CHD1: variants seen among roughly 807,000 people sequenced by gnomAD.
The protein encoded by CHD1 is ATP-dependent chromatin remodeler CHD1.
Under a neutral mutation model 224.2 loss-of-function variants are expected in CHD1, and 36 were observed. That is an observed-to-expected ratio of 0.16 (90% CI 0.12 to 0.21). CHD1 has a LOEUF of 0.21. Ranked by LOEUF, CHD1 falls within the 10% of genes least tolerant of loss-of-function variation. The probability of loss-of-function intolerance (pLI) is 1.00; values close to 1 mark genes in which losing one functional copy is unlikely to be tolerated. For synonymous variants in CHD1, 668 were observed against 658.3 expected (o/e 1.01, Z -0.23); for missense variants, 1,378 against 1,994.8 (o/e 0.69, Z 5.89).
chr5:98,916,796 G>C (rs1177310471), intron 2 of CHD1, among the ~76,000 whole-genome samples: 1 of 152,070 alleles, frequency 6.6e-6, no homozygotes, highest in Non-Finnish European at 1.5e-5. Context: ...CCAGATGCTA[G>C]GGTGGACAAT....
intron 18 of CHD1, chr5:98,883,963 T>A (rs1188777968): frequency 6.5e-6 from 1 of 153,348 alleles, no homozygotes; most frequent in African/African-American, 2.6e-5. Context: ...TGCCTCAGCC[T>A]CCCGAGTAGC....
intron 24 of CHD1, among the ~76,000 whole-genome samples, chr5:98,875,516 G>A (rs1749684904): frequency 6.6e-6 from 1 of 152,144 alleles, no homozygotes; most frequent in East Asian, 1.9e-4. Context: ...TAATTCAGAT[G>A]TGTATTACAC....
At position 98,896,213 on chromosome 5, in the gene CHD1, G is replaced by A; in HGVS notation, c.1710+13C>T. 6.3e-7 allele frequency: 1 copy of A among 1,590,978 alleles called. No individual in the cohort carries two copies. Among genetic ancestry groups the A allele is most frequent in the Non-Finnish European group, 8.6e-7 (1 of 1,159,198 alleles). ...TACATTTTGATTTCTACATTTACAG[G>A]GAAACAACTTACCATGTTTCTGCTG... On this transcript the variant is annotated intron_variant, in intron 12 of 35. Coordinates refer to ENST00000614616, the MANE Select transcript of CHD1 (RefSeq NM_001270.4).
chr5:98,899,826 G>T, intron 7 of CHD1, 121 bp from the exon 8 acceptor site: 2 of 638,544 alleles, frequency 3.1e-6, no homozygotes, highest in Non-Finnish European at 5.3e-6. Flanking sequence ...AGTATTGGGG[G>T]TATAGAAACT....
intron 2 of CHD1, among the ~76,000 whole-genome samples, chr5:98,919,774 T>C (rs1188581152): frequency 6.6e-6 from 1 of 152,188 alleles, no homozygotes; most frequent in East Asian, 1.9e-4. Flanking sequence ...GAAATGACTA[T>C]AGATACGTAG....
intron 2 of CHD1, among the ~76,000 whole-genome samples, chr5:98,916,259 GGTTT>G (rs1752722364): frequency 6.6e-6 from 1 of 151,790 alleles, no homozygotes; most frequent in Non-Finnish European, 1.5e-5. Flanking sequence ...TTTTAAAAAA[GGTTT>G]TGGCAGGTGT....
At chr5:98,858,906 C>A in intron 34 of CHD1, 58 bp downstream of exon 34, 1 of 1,234,836 alleles carries the variant, frequency 8.1e-7, no homozygotes, top group Non-Finnish European at 1.1e-6. Context: ...TTATTTAAAA[C>A]AAAAATTTAA....
chr5:98,857,766 T>A lies in CHD1; in HGVS notation c.4787+414A>T, dbSNP rs138590302. Among the ~76,000 whole-genome samples the A allele has an allele frequency of 1.1e-3, 171 of 152,168 alleles. 1 individual carries two copies. The highest frequency in any genetic ancestry group is 3.6e-3 in the African/African-American group (151 of 41,560). ...TTAAGTTTTACCTCAATGAGATGTGTTCACATATATTAATTTTTCCCGACT... is the reference window on the plus strand; with the variant it reads ...TTAAGTTTTACCTCAATGAGATGTGATCACATATATTAATTTTTCCCGACT... On this transcript the variant is annotated intron_variant, in intron 35 of 35. Coordinates refer to ENST00000614616, the MANE Select transcript of CHD1 (RefSeq NM_001270.4).
intron 18 of CHD1, among the ~76,000 whole-genome samples, chr5:98,884,433 T>C (rs1267189101): frequency 6.6e-6 from 1 of 152,064 alleles, no homozygotes; most frequent in Non-Finnish European, 1.5e-5. Flanking sequence ...TTGTATGTTC[T>C]CACTTGTAAG....
Position 98,901,287 on chromosome 5 carries a change from T to G in CHD1, c.486A>C (p.Ser162=). 6.2e-7 allele frequency: 1 copy of G among 1,613,762 alleles called. No homozygotes were observed. Among genetic ancestry groups the G allele is most frequent in the Non-Finnish European group, 8.5e-7 (1 of 1,179,882 alleles). The part of the protein sequence containing the change: ...SGSGSPSQSG[S]DSESEEEREK... ...CTCTCTCTTCTTCAGATTCTGAATCTGAACCAGACTGAGATGGAGATCCTG... is the reference window on the plus strand; with the variant it reads ...CTCTCTCTTCTTCAGATTCTGAATCGGAACCAGACTGAGATGGAGATCCTG... The change falls in exon 6 of 36, where the codon TCA becomes TCC. Residue 162 remains serine, a synonymous_variant. Coordinates refer to ENST00000614616, the MANE Select transcript of CHD1 (RefSeq NM_001270.4).
intron 7 of CHD1, among the ~76,000 whole-genome samples, chr5:98,900,240 C>T (rs1447945353): frequency 6.7e-6 from 1 of 149,824 alleles, no homozygotes; most frequent in Admixed American, 6.7e-5. Context: ...TGAGACCGTG[C>T]CACTGCACTC....
intron 28 of CHD1, among the ~76,000 whole-genome samples, chr5:98,871,648 A>G (rs2112321201): frequency 6.6e-6 from 1 of 152,198 alleles, no homozygotes; most frequent in East Asian, 1.9e-4. Context: ...AAATGTTCCT[A>G]AAGATAAATA....
intron 2 of CHD1, among the ~76,000 whole-genome samples, chr5:98,920,370 A>C: frequency 6.6e-6 from 1 of 152,216 alleles, no homozygotes; most frequent in East Asian, 1.9e-4. Flanking sequence ...TGCAAATACT[A>C]CCTTGACCAA....
chr5:98,865,248 G>A (rs1047605992), intron 31 of CHD1, among the ~76,000 whole-genome samples: 7 of 152,176 alleles, frequency 4.6e-5, no homozygotes, highest in African/African-American at 1.4e-4. Context: ...TGCCAGTGTC[G>A]CTGGAACCAA....
rs958374883 is a variant in CHD1 at position 98,855,290 on chromosome 5, A to G, written c.*1090T>C. 20 of 152,690 alleles carry G rather than the reference A, an allele frequency of 1.3e-4. No homozygotes were observed. The highest frequency in any genetic ancestry group is 4.6e-4 in the African/African-American group (19 of 41,542). The allele number at this position is 152,690 out of a possible 1,614,324, so 9.5% of individuals were successfully genotyped here. A position where few individuals can be genotyped will look rare whatever the true frequency, so the allele number is the denominator to read the frequency against. On this transcript the variant is annotated 3_prime_UTR_variant, in exon 36 of 36. Coordinates refer to ENST00000614616, the MANE Select transcript of CHD1 (RefSeq NM_001270.4). ...TAACAGTTTATATTAAAAGTCAATC[A>G]AGTTTATCTAAAATGTTAACCTGGC...
chr5:98,926,906 G>A (rs957876136), intron 1 of CHD1, among the ~76,000 whole-genome samples: 3 of 100,240 alleles, frequency 3.0e-5, no homozygotes, highest in Non-Finnish European at 5.6e-5. Flanking sequence ...TAACTTGGTC[G>A]AATAAATGAA....
chr5:98,911,172 T>TATATATATAG (rs1752397885), intron 2 of CHD1, among the ~76,000 whole-genome samples: 1 of 130,302 alleles, frequency 7.7e-6, no homozygotes, highest in African/African-American at 3.0e-5. Context: ...TATATATATA[T>TATATATATAG]ATATAGAGGC....
At chr5:98,917,598 G>T (rs1368947116) in intron 2 of CHD1, among the ~76,000 whole-genome samples, 1 of 152,146 alleles carries the variant, frequency 6.6e-6, no homozygotes, top group Non-Finnish European at 1.5e-5. Context: ...CTGAGAAATA[G>T]CTATTTGGAG....
At chr5:98,863,057 A>C (rs1748593461) in intron 32 of CHD1, among the ~76,000 whole-genome samples, 1 of 152,140 alleles carries the variant, frequency 6.6e-6, no homozygotes, top group Non-Finnish European at 1.5e-5. Context: ...TGCTAAATTC[A>C]AGCAACAATA....
Sources: allele counts gnomAD v4.1 joint callset (sites outside exome capture counted in the v4.1 genomes callset), GRCh38; gene constraint gnomAD v4.1.1; transcripts MANE v1.5; gene names NCBI Gene and HGNC (gene_info 2026-07-23, HGNC 2026-07-21).